SGCZ: variants seen among roughly 807,000 people sequenced by gnomAD.
SGCZ encodes the protein zeta-sarcoglycan.
Under a neutral mutation model 41.3 loss-of-function variants are expected in SGCZ, and 40 were observed. That is an observed-to-expected ratio of 0.97 (90% CI 0.75 to 1.26). The LOEUF (loss-of-function observed/expected upper bound fraction) is 1.26. Ranked by LOEUF, SGCZ falls within the 50% of genes most tolerant of loss-of-function variation. The pLI is 0.00. For synonymous variants in SGCZ, 206 were observed against 137.5 expected, an observed-to-expected ratio of 1.50 and a Z score of -3.49; for missense variants, 552 against 369.8, an observed-to-expected ratio of 1.49 and a Z score of -4.04.
intron 1 of SGCZ, among the ~76,000 whole-genome samples, chr8:15,037,038 G>A (rs987594119): frequency 2.0e-5 from 3 of 152,064 alleles, no homozygotes; most frequent in African/African-American, 7.2e-5. Context: ...GACAAAACTG[G>A]ACATCATTTT....
chr8:14,940,763 C>G (rs993860240), intron 1 of SGCZ, among the ~76,000 whole-genome samples: 3 of 151,812 alleles, frequency 2.0e-5, no homozygotes, highest in Middle Eastern at 3.4e-3. Flanking sequence ...GTGTGTGTGT[C>G]TGTGTTTGTG....
chr8:14,531,161 C>G (rs192211340), intron 2 of SGCZ, among the ~76,000 whole-genome samples: 12 of 152,120 alleles, frequency 7.9e-5, no homozygotes, highest in Admixed American at 4.6e-4. Context: ...TTTACACTAT[C>G]ATACCTCTTT....
chr8:14,650,318 C>T (rs776687964), intron 1 of SGCZ, among the ~76,000 whole-genome samples: 17 of 152,044 alleles, frequency 1.1e-4, no homozygotes, highest in African/African-American at 3.1e-4. Flanking sequence ...GGAGGTAGGA[C>T]GGAAGTTTAG....
At chr8:14,414,571 G>A (rs1247937002) in intron 2 of SGCZ, among the ~76,000 whole-genome samples, 1 of 151,906 alleles carries the variant, frequency 6.6e-6, no homozygotes, top group Non-Finnish European at 1.5e-5. Flanking sequence ...AACAAGTCAT[G>A]GAATTTAAAA....
In SGCZ at chr8:15,114,698, C is replaced by T. The variant is rs74961508; in HGVS notation, c.39+122887G>A. Among the ~76,000 whole-genome samples the T allele has an allele frequency of 8.2e-3, 1,238 of 151,786 alleles. 17 individuals carry two copies. Among genetic ancestry groups the T allele is most frequent in the African/African-American group, 0.029 (1,203 of 41,402 alleles). On this transcript the variant is annotated intron_variant, in intron 1 of 7. Coordinates refer to ENST00000382080, the MANE Select transcript of SGCZ (RefSeq NM_139167.4). The stretch of plus-strand genomic sequence containing the variant: ...TTCAGATCTGAGCTAAAAGTTTATA[C>T]ACAGGGTAGCGCTCCTGACTCTCAA...
At chr8:15,093,718 C>A (rs754582776) in intron 1 of SGCZ, among the ~76,000 whole-genome samples, 1 of 152,110 alleles carries the variant, frequency 6.6e-6, no homozygotes, top group Non-Finnish European at 1.5e-5. Context: ...ATTATATTAT[C>A]CTCAAGGTTA....
rs537442066 is a variant in SGCZ at position 14,248,617 on chromosome 8, T to C, written c.337-10938A>G. On this transcript the variant is annotated intron_variant, in intron 3 of 7. Transcript: ENST00000382080. ...ATTAATCTTTATCAAATAAGTTGGA[T>C]ATGTTTTCCAATAAATCTCTAACTA... is the stretch of plus-strand genomic sequence containing the variant. Among the ~76,000 whole-genome samples the C allele has an allele frequency of 3.9e-5, 6 of 152,292 alleles. No individual in the cohort carries two copies. The South Asian group carries it at 1.2e-3, about 32-fold the overall frequency.
At chr8:14,387,870 A>G (rs758905833) in intron 2 of SGCZ, among the ~76,000 whole-genome samples, 1 of 152,122 alleles carries the variant, frequency 6.6e-6, no homozygotes, top group Non-Finnish European at 1.5e-5. Context: ...AATACAAATA[A>G]TAAATGTATC....
chr8:15,094,420 C>T (rs1806260695), intron 1 of SGCZ, among the ~76,000 whole-genome samples: 1 of 152,180 alleles, frequency 6.6e-6, no homozygotes, highest in African/African-American at 2.4e-5. Context: ...CAGGCATGAG[C>T]CACTTTGCCC....
chr8:14,233,583 C>A (rs1050410731), intron 4 of SGCZ, among the ~76,000 whole-genome samples: 1 of 125,528 alleles, frequency 8.0e-6, no homozygotes, highest in Non-Finnish European at 1.8e-5. Flanking sequence ...GATTTTTATT[C>A]TATATAAAAT....
intron 1 of SGCZ, among the ~76,000 whole-genome samples, chr8:15,190,910 T>C (rs1186359016): frequency 1.3e-5 from 2 of 152,050 alleles, no homozygotes; most frequent in Non-Finnish European, 2.9e-5. Context: ...TTCTTCTGAG[T>C]TTTAAGTGAC....
At chr8:14,248,334 C>T (rs1799176427) in intron 3 of SGCZ, among the ~76,000 whole-genome samples, 1 of 152,156 alleles carries the variant, frequency 6.6e-6, no homozygotes, top group African/African-American at 2.4e-5. Flanking sequence ...AATTTATTAA[C>T]TACCTATCAT....
Position 14,377,737 on chromosome 8 carries a change from A to T in SGCZ, c.235-53533T>A, listed in dbSNP as rs1398388746. ...ATGTTCCCTTTCCTATGTCCATGTGATCTCATTGTTCAATTCCCACCTATG... is the reference window on the plus strand; with the variant it reads ...ATGTTCCCTTTCCTATGTCCATGTGTTCTCATTGTTCAATTCCCACCTATG... On this transcript the variant is annotated intron_variant, in intron 2 of 7. Transcript: ENST00000382080. Among the ~76,000 whole-genome samples the T allele has an allele frequency of 7.7e-4, 113 of 146,830 alleles. 1 individual carries two copies. In the Admixed American group the frequency reaches 7.8e-3, roughly 10 times the overall value.
At chr8:14,645,478 TTATATGTATA>T (rs1807180089) in intron 1 of SGCZ, among the ~76,000 whole-genome samples, 1 of 106,594 alleles carries the variant, frequency 9.4e-6, no homozygotes, top group Non-Finnish European at 2.1e-5. Context: ...ATATATATAT[TTATATGTATA>T]TATATATATA....
chr8:14,287,061 G>A (rs1472010207), intron 3 of SGCZ, among the ~76,000 whole-genome samples: 2 of 151,822 alleles, frequency 1.3e-5, no homozygotes, highest in African/African-American at 4.8e-5. Flanking sequence ...CTCTAATAGA[G>A]TATTTATGCT....
intron 2 of SGCZ, among the ~76,000 whole-genome samples, chr8:14,550,270 A>G (rs537194508): frequency 6.6e-6 from 1 of 151,512 alleles, no homozygotes; most frequent in East Asian, 1.9e-4. Flanking sequence ...TAAAAACAAT[A>G]TAATGGTTGA....
intron 1 of SGCZ, among the ~76,000 whole-genome samples, chr8:14,997,362 C>CAT (rs1802254433): frequency 6.6e-6 from 1 of 152,116 alleles, no homozygotes; most frequent in African/African-American, 2.4e-5. Flanking sequence ...TATAACAAAG[C>CAT]ATATACTACC....
chr8:15,119,778 T>A (rs577187271), intron 1 of SGCZ, among the ~76,000 whole-genome samples: 1 of 152,254 alleles, frequency 6.6e-6, no homozygotes, highest in South Asian at 2.1e-4. Flanking sequence ...TCTTATATTC[T>A]CTCCATCTGG....
intron 5 of SGCZ, among the ~76,000 whole-genome samples, chr8:14,131,928 G>C (rs759327593): frequency 6.6e-6 from 1 of 152,042 alleles, no homozygotes; most frequent in Non-Finnish European, 1.5e-5. Flanking sequence ...TGGATAGTAG[G>C]CTGTCCCATC....
Sources: allele counts gnomAD v4.1 joint callset (sites outside exome capture counted in the v4.1 genomes callset), GRCh38; gene constraint gnomAD v4.1.1; transcripts MANE v1.5; gene names NCBI Gene and HGNC (gene_info 2026-07-23, HGNC 2026-07-21).